RAB4B: variants seen among roughly 807,000 people sequenced by gnomAD.
RAB4B encodes the protein ras-related protein Rab-4B.
In RAB4B, 15 loss-of-function variants were observed where a neutral mutation model predicts 28.3. That is an observed-to-expected ratio of 0.53 (90% CI 0.35 to 0.82). RAB4B has a LOEUF of 0.82. Ranked by LOEUF, RAB4B falls within the 40% of genes least tolerant of loss-of-function variation. The pLI, the probability that RAB4B is intolerant of heterozygous loss-of-function variation, is 0.01. For synonymous variants in RAB4B, 108 were observed against 116.3 expected, an observed-to-expected ratio of 0.93 and a Z score of 0.46; for missense variants, 244 against 288.5, an observed-to-expected ratio of 0.85 and a Z score of 1.12.
intron 2 of RAB4B, 43 bp downstream of exon 2, chr19:40,780,142 A>G (rs749514649): frequency 1.9e-6 from 3 of 1,608,704 alleles, no homozygotes; most frequent in South Asian, 1.1e-5. Context: ...AGCTGTGTTT[A>G]TGCGCATGGT....
At chr19:40,790,856 AT>A (rs35337272) in intron 7 of RAB4B, among the ~76,000 whole-genome samples, 36,048 of 116,076 alleles carry the variant, frequency 0.31, 5,893 homozygotes, top group East Asian at 0.46. Context: ...TAATTTTTGT[AT>A]TTTTTTTTTT....
chr19:40,786,554 G>T, intron 5 of RAB4B, 111 bp from the exon 6 acceptor site: 1 of 1,510,930 alleles, frequency 6.6e-7, no homozygotes, highest in Non-Finnish European at 9.0e-7. Context: ...CCTGAGGTGA[G>T]GGTAAGGGGG....
At chr19:40,786,381 G>T in intron 5 of RAB4B, 2 of 407,698 alleles carry the variant, frequency 4.9e-6, no homozygotes, top group South Asian at 4.2e-5. Context: ...AGGATAGGGG[G>T]CCACAAGAAG....
chr19:40,778,636 G>A (rs1194220773), intron 1 of RAB4B, among the ~76,000 whole-genome samples: 1 of 152,136 alleles, frequency 6.6e-6, no homozygotes, highest in Non-Finnish European at 1.5e-5. Flanking sequence ...GTCCTGAGGG[G>A]TTCAGGGAGG....
intron 7 of RAB4B, 145 bp downstream of exon 7, chr19:40,787,123 C>A: frequency 1.2e-6 from 1 of 805,900 alleles, no homozygotes; most frequent in Non-Finnish European, 1.9e-6. Flanking sequence ...AGGCATCTGG[C>A]TGGGCGCAGT....
At chr19:40,792,862 G>T (rs1021995638) in intron 7 of RAB4B, among the ~76,000 whole-genome samples, 9 of 150,988 alleles carry the variant, frequency 6.0e-5, no homozygotes, top group African/African-American at 2.2e-4. Context: ...CTCATTGCAA[G>T]CTCCACTTCC....
At chr19:40,780,300 G>A in intron 2 of RAB4B, 85 bp from the exon 3 acceptor site, 1 of 1,460,350 alleles carries the variant, frequency 6.8e-7, no homozygotes. Context: ...GGTTTGTAGA[G>A]ACTGAGAGGG....
intron 7 of RAB4B, among the ~76,000 whole-genome samples, chr19:40,791,344 C>T (rs1159364440): frequency 6.6e-6 from 1 of 152,110 alleles, no homozygotes; most frequent in African/African-American, 2.4e-5. Flanking sequence ...CATATCTGCT[C>T]CTGTCGCTCC....
Position 40,791,328 on chromosome 19 carries a change from A to G in RAB4B, c.*15+4350A>G, listed in dbSNP as rs117949639. Among the ~76,000 whole-genome samples, 22 of 152,172 alleles carry G rather than the reference A, an allele frequency of 1.4e-4. 1 individual carries two copies. The East Asian group carries it at 4.3e-3, about 30-fold the overall frequency. On this transcript the variant is annotated intron_variant, in intron 7 of 7. Transcript: ENST00000357052. ...TTTGATGCAGCCACTGGGTCTTTCT[A>G]ACACACATATCTGCTCCTGTCGCTC... is the stretch of plus-strand genomic sequence containing the variant.
intron 3 of RAB4B, among the ~76,000 whole-genome samples, chr19:40,782,840 C>CAATA (rs1198325546): frequency 1.4e-5 from 2 of 141,280 alleles, no homozygotes; most frequent in African/African-American, 2.7e-5. Flanking sequence ...ATCAATCAAT[C>CAATA]AATAAAAGAC....
At chr19:40,781,615 G>A (rs2083048858) in intron 3 of RAB4B, among the ~76,000 whole-genome samples, 1 of 152,092 alleles carries the variant, frequency 6.6e-6, no homozygotes, top group Non-Finnish European at 1.5e-5. Context: ...CCAAAAGAGA[G>A]ATGGAGAAAT....
chr19:40,779,797 T>TAA (rs1255426050), intron 1 of RAB4B: 1 of 1,220,152 alleles, frequency 8.2e-7, no homozygotes, highest in Non-Finnish European at 1.1e-6. Flanking sequence ...TCCCTGAATC[T>TAA]AAAATAAAAG....
intron 7 of RAB4B, among the ~76,000 whole-genome samples, chr19:40,793,584 T>G (rs1236455354): frequency 1.6e-5 from 2 of 122,968 alleles, no homozygotes; most frequent in African/African-American, 2.6e-5. Flanking sequence ...TTTTTTTTTT[T>G]TTTTTTTTTT....
intron 5 of RAB4B, chr19:40,786,442 A>C (rs956531053): frequency 1.7e-6 from 1 of 577,180 alleles, no homozygotes; most frequent in African/African-American, 1.9e-5. Flanking sequence ...GTCAGGGAGG[A>C]CTTCTTGGAG....
chr19:40,783,401 G>A (rs1318099477), intron 3 of RAB4B, among the ~76,000 whole-genome samples: 2 of 151,382 alleles, frequency 1.3e-5, no homozygotes, highest in Non-Finnish European at 2.9e-5. Flanking sequence ...AGCCAAGATC[G>A]TACCACTGCA....
At chr19:40,792,130 G>A (rs1273207812) in intron 7 of RAB4B, 1 of 151,998 alleles carries the variant, frequency 6.6e-6, no homozygotes, top group East Asian at 2.0e-4. Context: ...GAGCCAACGT[G>A]ATTTCCTGAT....
intron 5 of RAB4B, chr19:40,785,945 T>TG (rs891772518): frequency 4.2e-5 from 6 of 143,232 alleles, no homozygotes; most frequent in African/African-American, 8.4e-5. Context: ...GGGCCAGTAC[T>TG]GGGGGGGCAG....
rs1384163590 is a variant in RAB4B at position 40,784,014 on chromosome 19, G to A, written c.369G>A (p.Lys123=). 1.9e-6 allele frequency: 3 copies of A among 1,614,016 alleles called. No homozygotes were observed. Among genetic ancestry groups the A allele is most frequent in the African/African-American group, 2.7e-5 (2 of 74,946 alleles). The change falls in exon 5 of 8, where the codon AAG becomes AAA. Residue 123 remains lysine, a synonymous_variant. Coordinates refer to ENST00000357052, the MANE Select transcript of RAB4B (RefSeq NM_016154.5). The part of the protein sequence containing the change: ...NIVVILCGNK[K]DLDPEREVTF... ...TGGTCATCCTCTGTGGCAACAAGAA[G>A]GACCTGGACCCTGAGCGGGAGGTCA...
chr19:40,780,007 C>A lies in RAB4B; in HGVS notation c.17-12C>A, dbSNP rs760069769. On this transcript the variant is annotated splice_polypyrimidine_tract_variant and intron_variant, in intron 1 of 7. Transcript: ENST00000357052. Reference sequence around the variant, plus strand: ...CCTGTGGGTATCCCTGATTTTGGCTCCATCTGGTCAGACTTCCTCTTCAAA... The same window carrying A: ...CCTGTGGGTATCCCTGATTTTGGCTACATCTGGTCAGACTTCCTCTTCAAA... 6.2e-7 allele frequency: 1 copy of A among 1,612,224 alleles called. No individual in the cohort carries two copies. The highest frequency in any genetic ancestry group is 1.3e-5 in the African/African-American group (1 of 74,956).
Sources: allele counts gnomAD v4.1 joint callset (sites outside exome capture counted in the v4.1 genomes callset), GRCh38; gene constraint gnomAD v4.1.1; transcripts MANE v1.5; gene names NCBI Gene and HGNC (gene_info 2026-07-23, HGNC 2026-07-21).